Variants in RNF130 observed in about 807,000 individuals in gnomAD.
The protein encoded by RNF130 is ring finger protein 130.
RNF130 carries 21 observed loss-of-function variants against 44.6 expected under a neutral mutation model. The ratio of observed to expected loss-of-function variants is 0.47; its 90% confidence interval spans 0.33 to 0.68. RNF130 has a LOEUF of 0.68. RNF130 is among the 30% of genes least tolerant of loss of function. The pLI, the probability that RNF130 is intolerant of heterozygous loss-of-function variation, is 0.02. For synonymous variants in RNF130, 214 were observed against 210.4 expected, an observed-to-expected ratio of 1.02 and a Z score of -0.15; for missense variants, 479 against 560.6, an observed-to-expected ratio of 0.85 and a Z score of 1.47.
intron 8 of RNF130, among the ~76,000 whole-genome samples, chr5:179,959,037 C>G (rs530832326): frequency 6.6e-6 from 1 of 152,268 alleles, no homozygotes; most frequent in African/African-American, 2.4e-5. Flanking sequence ...ATCGCCAGAG[C>G]TCCAGAAATA....
At chr5:180,018,048 C>T (rs1761883918) in intron 2 of RNF130, among the ~76,000 whole-genome samples, 1 of 152,278 alleles carries the variant, frequency 6.6e-6, no homozygotes, top group South Asian at 2.1e-4. Flanking sequence ...GTAATCTCAG[C>T]ACTTTGGGAG....
At chr5:179,933,682 G>A (rs572807822) in intron 7 of RNF130, 18 of 318,818 alleles carry the variant, frequency 5.6e-5, no homozygotes, top group East Asian at 1.8e-4. Flanking sequence ...CCACCATGCC[G>A]GGCTAATTTT....
At chr5:180,001,111 T>G (rs1239922271) in intron 3 of RNF130, among the ~76,000 whole-genome samples, 1 of 152,166 alleles carries the variant, frequency 6.6e-6, no homozygotes, top group Non-Finnish European at 1.5e-5. Flanking sequence ...AGTGGTACAG[T>G]CTCTGTGCAG....
At chr5:179,947,664 T>C (rs1013090051) in intron 7 of RNF130, among the ~76,000 whole-genome samples, 13 of 152,232 alleles carry the variant, frequency 8.5e-5, no homozygotes, top group African/African-American at 3.1e-4. Context: ...AATGAGTTAA[T>C]GCAGCAAAAT....
At chr5:180,059,504 G>A (rs964048250) in intron 1 of RNF130, among the ~76,000 whole-genome samples, 2 of 152,182 alleles carry the variant, frequency 1.3e-5, no homozygotes, top group African/African-American at 4.8e-5. Context: ...ATAATTATTT[G>A]ATGAATGAAT....
At chr5:180,033,961 G>A (rs1282390056) in intron 2 of RNF130, among the ~76,000 whole-genome samples, 1 of 152,150 alleles carries the variant, frequency 6.6e-6, no homozygotes, top group Non-Finnish European at 1.5e-5. Context: ...ACTAATGAGA[G>A]TGGACATCCT....
At chr5:180,050,309 A>G (rs1764658990) in intron 1 of RNF130, among the ~76,000 whole-genome samples, 1 of 152,216 alleles carries the variant, frequency 6.6e-6, no homozygotes, top group Non-Finnish European at 1.5e-5. Context: ...CGCGCCCACA[A>G]GAGTCAAAGG....
intron 3 of RNF130, among the ~76,000 whole-genome samples, chr5:179,992,704 ATTAT>A (rs1763113523): frequency 6.6e-6 from 1 of 151,860 alleles, no homozygotes; most frequent in Non-Finnish European, 1.5e-5. Flanking sequence ...TTGAAGTGGG[ATTAT>A]TTTTTATTTT....
chr5:180,000,551 A>T (rs560165089), intron 3 of RNF130, among the ~76,000 whole-genome samples: 1 of 152,218 alleles, frequency 6.6e-6, no homozygotes, highest in East Asian at 1.9e-4. Flanking sequence ...AATGTTCCAT[A>T]AGTTTTGTAG....
chr5:180,060,824 C>T (rs1024393434), intron 1 of RNF130, among the ~76,000 whole-genome samples: 3 of 152,136 alleles, frequency 2.0e-5, no homozygotes, highest in South Asian at 2.1e-4. Flanking sequence ...AATCCCAGCA[C>T]TTTGGGAGGC....
intron 2 of RNF130, among the ~76,000 whole-genome samples, chr5:180,017,322 T>C (rs1318464481): frequency 6.6e-6 from 1 of 152,204 alleles, no homozygotes; most frequent in Non-Finnish European, 1.5e-5. Context: ...GTACCTTTAT[T>C]TTTGGTGGCA....
chr5:180,067,706 C>T (rs1765139938), intron 1 of RNF130, among the ~76,000 whole-genome samples: 1 of 152,130 alleles, frequency 6.6e-6, no homozygotes, highest in Non-Finnish European at 1.5e-5. Context: ...TTAGAGCCTC[C>T]AGCTCTTTCT....
chr5:179,989,157 C>CATA (rs1416019780), intron 3 of RNF130, among the ~76,000 whole-genome samples: 48 of 152,340 alleles, frequency 3.2e-4, no homozygotes, highest in Non-Finnish European at 5.4e-4. Context: ...GGAGAAACGC[C>CATA]AGACGCTTAT....
rs536471786 is a variant in RNF130 at position 179,925,384 on chromosome 5, G to A, written c.1151-4958C>T. On this transcript the variant is annotated intron_variant, in intron 7 of 7. Coordinates refer to the RNF130 transcript ENST00000522208. ...GGATAGCTAAACACGTAGAGGTACC[G>A]GTAGGGGAGGGCACTGAACTCCAAG... Among the ~76,000 whole-genome samples, 439 of 152,292 alleles carry A rather than the reference G, an allele frequency of 2.9e-3. 1 individual carries two copies. Among genetic ancestry groups the A allele is most frequent in the Middle Eastern group, 3.4e-3 (1 of 294 alleles).
At chr5:179,920,260 T>A in exon 8 of RNF130, 1 of 670,274 alleles carries the variant, frequency 1.5e-6, no homozygotes, top group Non-Finnish European at 2.7e-6. Context: ...ATAAGAAAGG[T>A]GATCAGAAAT....
At chr5:179,963,305 A>C (rs558905881) in intron 8 of RNF130, among the ~76,000 whole-genome samples, 166 bp downstream of exon 8, 1 of 152,240 alleles carries the variant, frequency 6.6e-6, no homozygotes, top group South Asian at 2.1e-4. Flanking sequence ...TGTGTTACTG[A>C]CTAAAAATAT....
intron 2 of RNF130, among the ~76,000 whole-genome samples, chr5:180,031,108 A>AT (rs1488232837): frequency 6.6e-6 from 1 of 152,240 alleles, no homozygotes; most frequent in Non-Finnish European, 1.5e-5. Flanking sequence ...ATTTTCTTAT[A>AT]TAACAGCATA....
intron 3 of RNF130, among the ~76,000 whole-genome samples, chr5:179,996,638 A>G (rs1045202412): frequency 1.3e-5 from 2 of 152,254 alleles, no homozygotes; most frequent in African/African-American, 4.8e-5. Flanking sequence ...ATGTTGAACC[A>G]TTCTTGCATC....
chr5:180,020,306 G>A lies in RNF130; in HGVS notation c.443-6995C>T, dbSNP rs182273662. On this transcript the variant is annotated intron_variant, in intron 2 of 8. Transcript: ENST00000521389. ...TGATGAACGGGGAGCAGTGACAGGC[G>A]GGGAAGCACGTGACTACGGAGAGGA... Among the ~76,000 whole-genome samples, 27 of 152,288 alleles carry A rather than the reference G, an allele frequency of 1.8e-4. 1 individual carries two copies. The highest frequency in any genetic ancestry group is 2.8e-4 in the Non-Finnish European group (19 of 68,018).
Sources: allele counts gnomAD v4.1 joint callset (sites outside exome capture counted in the v4.1 genomes callset), GRCh38; gene constraint gnomAD v4.1.1; transcripts MANE v1.5; gene names NCBI Gene and HGNC (gene_info 2026-07-23, HGNC 2026-07-21).